Variants in SLC24A4 observed in about 807,000 individuals in gnomAD.
SLC24A4 encodes the protein sodium/potassium/calcium exchanger 4.
A neutral mutation model predicts 79.0 loss-of-function variants in SLC24A4; 53 were observed. The observed-to-expected ratio is 0.67, with a 90% CI of 0.54 to 0.84. The LOEUF (loss-of-function observed/expected upper bound fraction) is 0.84. Ranked by LOEUF, SLC24A4 falls within the 40% of genes least tolerant of loss-of-function variation. SLC24A4 has a pLI of 0.00. For missense variants in SLC24A4, 731 were observed against 822.0 expected (o/e 0.89, Z 1.35); for synonymous variants, 323 against 323.8 (o/e 1.00, Z 0.03).
intron 2 of SLC24A4, among the ~76,000 whole-genome samples, chr14:92,360,745 C>G (rs1011394370): frequency 6.6e-6 from 1 of 152,224 alleles, no homozygotes; most frequent in Non-Finnish European, 1.5e-5. Context: ...CATCCTCCAT[C>G]TGGTTGGAGT....
At chr14:92,428,511 G>A (rs553102063) in intron 2 of SLC24A4, among the ~76,000 whole-genome samples, 12 of 152,354 alleles carry the variant, frequency 7.9e-5, no homozygotes, top group African/African-American at 2.4e-4. Flanking sequence ...GAAGGAGGCC[G>A]TATCAAGGAC....
chr14:92,414,361 A>G lies in SLC24A4; in HGVS notation c.242-19551A>G, dbSNP rs538575125. ...CCCTGGCTGAGCACTGCTTCCCCAC[A>G]TGAGGGCTTCTCACACTACCTGTGG... On this transcript the variant is annotated intron_variant, in intron 2 of 16. Transcript: ENST00000532405. 5.6e-3 allele frequency among the ~76,000 whole-genome samples: 709 copies of G among 126,952 alleles called. 5 individuals carry two copies. The highest frequency in any genetic ancestry group is 0.019 in the African/African-American group (682 of 35,454). 83.3% of individuals were successfully genotyped at this position (126,952 alleles called of 152,430 possible).
intron 4 of SLC24A4, among the ~76,000 whole-genome samples, 195 bp downstream of exon 4, chr14:92,439,604 C>A (rs1378081708): frequency 6.6e-6 from 1 of 152,250 alleles, no homozygotes; most frequent in Admixed American, 6.5e-5. Flanking sequence ...GGCAGCCTCT[C>A]CCAGAACTTG....
At chr14:92,449,463 G>GAA (rs1246235056) in intron 10 of SLC24A4, among the ~76,000 whole-genome samples, 4 of 152,196 alleles carry the variant, frequency 2.6e-5, no homozygotes, top group African/African-American at 9.7e-5. Flanking sequence ...CCAGGAAAGA[G>GAA]AAAAACCACA....
chr14:92,356,974 G>A (rs1248555518), intron 2 of SLC24A4, among the ~76,000 whole-genome samples: 1 of 152,220 alleles, frequency 6.6e-6, no homozygotes, highest in Non-Finnish European at 1.5e-5. Flanking sequence ...ATAGTTACAG[G>A]TGGGGCACTG....
intron 2 of SLC24A4, among the ~76,000 whole-genome samples, chr14:92,423,138 T>A (rs1009627480): frequency 5.5e-5 from 5 of 91,208 alleles, no homozygotes; most frequent in Admixed American, 1.1e-4. Context: ...AATTTAATTT[T>A]ATTTCATTTC....
intron 2 of SLC24A4, among the ~76,000 whole-genome samples, chr14:92,375,941 C>T (rs1464754393): frequency 1.3e-5 from 2 of 152,298 alleles, no homozygotes; most frequent in East Asian, 1.9e-4. Context: ...CTGCTGGTTG[C>T]ATGACATTGT....
chr14:92,422,506 C>G (rs60805483), intron 2 of SLC24A4, among the ~76,000 whole-genome samples: 11,227 of 152,276 alleles, frequency 0.074, 648 homozygotes, highest in African/African-American at 0.14. Context: ...ATTACTTAAC[C>G]TTTCTGTGCT....
At position 92,456,676 on chromosome 14, in the gene SLC24A4, C is replaced by T. The variant is rs34180624; in HGVS notation, c.1255+68C>T. The stretch of plus-strand genomic sequence containing the variant: ...GGCTCCATTAGGACCAAGCCCAGGT[C>T]TTCAGGATGGAGGCATGGACTTGTA... On this transcript the variant is annotated intron_variant, in intron 12 of 16. Coordinates refer to ENST00000532405, the MANE Select transcript of SLC24A4 (RefSeq NM_153646.4). 0.26 allele frequency: 395,761 copies of T among 1,504,678 alleles called. 53,169 individuals carry two copies. The highest frequency in any genetic ancestry group is 0.27 in the Non-Finnish European group (301,010 of 1,100,972). The allele number at this position is 1,504,678 out of a possible 1,614,324, so 93.2% of individuals were successfully genotyped here.
intron 12 of SLC24A4, among the ~76,000 whole-genome samples, chr14:92,465,988 T>G (rs59226372): frequency 0.043 from 6,604 of 152,236 alleles, 353 homozygotes; most frequent in East Asian, 0.17. Flanking sequence ...GGTCTTGACC[T>G]CTTCTGCTTT....
Position 92,341,209 on chromosome 14 carries a change from C to T in SLC24A4, c.241+15231C>T, listed in dbSNP as rs147019374. ...ACACCTGGGAGGGAGGGGCCACTGGCGCCTTCTGTGAAATGCCCTCTGGTT... is the reference window on the plus strand; with the variant it reads ...ACACCTGGGAGGGAGGGGCCACTGGTGCCTTCTGTGAAATGCCCTCTGGTT... On this transcript the variant is annotated intron_variant, in intron 2 of 16. Coordinates refer to ENST00000532405, the MANE Select transcript of SLC24A4 (RefSeq NM_153646.4). Among the ~76,000 whole-genome samples the T allele has an allele frequency of 3.8e-3, 572 of 152,248 alleles. 1 individual carries two copies. The highest frequency in any genetic ancestry group is 0.013 in the African/African-American group (530 of 41,540).
chr14:92,359,795 C>A (rs966759920), intron 2 of SLC24A4, among the ~76,000 whole-genome samples: 3 of 152,210 alleles, frequency 2.0e-5, no homozygotes, highest in Non-Finnish European at 4.4e-5. Context: ...CCAGTAATAC[C>A]GTCCTGACCT....
At chr14:92,389,484 G>A (rs1009373371) in intron 2 of SLC24A4, among the ~76,000 whole-genome samples, 2 of 152,170 alleles carry the variant, frequency 1.3e-5, no homozygotes, top group Admixed American at 6.5e-5. Flanking sequence ...GGTCTGTGCA[G>A]CCTGGGCCAG....
At chr14:92,409,007 G>A (rs952769863) in intron 2 of SLC24A4, among the ~76,000 whole-genome samples, 4 of 152,182 alleles carry the variant, frequency 2.6e-5, no homozygotes, top group Non-Finnish European at 5.9e-5. Context: ...GCCTGGCTGA[G>A]TCTGCAGGAT....
At chr14:92,352,796 G>A (rs1239387427) in intron 2 of SLC24A4, among the ~76,000 whole-genome samples, 2 of 152,160 alleles carry the variant, frequency 1.3e-5, no homozygotes, top group Non-Finnish European at 2.9e-5. Flanking sequence ...CGGGGTGAGA[G>A]CAGGGCGCCC....
At chr14:92,447,334 C>T in intron 8 of SLC24A4, 37 bp from the exon 9 acceptor site, 1 of 1,608,604 alleles carries the variant, frequency 6.2e-7, no homozygotes. Context: ...TGCCCCGGGC[C>T]CCGAGCTCTA....
intron 2 of SLC24A4, among the ~76,000 whole-genome samples, chr14:92,427,296 C>T (rs942812158): frequency 5.9e-5 from 9 of 152,232 alleles, no homozygotes; most frequent in Admixed American, 4.6e-4. Flanking sequence ...ACACCTACTT[C>T]GTGCCAGGTT....
At chr14:92,456,361 T>C in intron 11 of SLC24A4, 43 bp from the exon 12 acceptor site, 3 of 1,606,146 alleles carry the variant, frequency 1.9e-6, no homozygotes, top group Non-Finnish European at 2.6e-6. Context: ...GCATGATGCT[T>C]TATCACATGC....
At chr14:92,442,656 A>G in intron 5 of SLC24A4, 57 bp from the exon 6 acceptor site, 1 of 1,248,588 alleles carries the variant, frequency 8.0e-7, no homozygotes, top group Non-Finnish European at 1.2e-6. Flanking sequence ...GACACTGAGG[A>G]AGGGGCAGGC....
Sources: allele counts gnomAD v4.1 joint callset (sites outside exome capture counted in the v4.1 genomes callset), GRCh38; gene constraint gnomAD v4.1.1; transcripts MANE v1.5; gene names NCBI Gene and HGNC (gene_info 2026-07-23, HGNC 2026-07-21).